Variants in DZIP1L observed in about 807,000 individuals in gnomAD.
The protein encoded by DZIP1L is cilium assembly protein DZIP1L.
Under a neutral mutation model 88.7 loss-of-function variants are expected in DZIP1L, and 90 were observed. The ratio of observed to expected loss-of-function variants is 1.02; its 90% CI spans 0.86 to 1.21. The LOEUF (loss-of-function observed/expected upper bound fraction) is 1.21, where lower values mean the gene tolerates loss of function less well. Among genes scored for constraint, DZIP1L ranks in the 50% most tolerant of loss-of-function variants. DZIP1L has a pLI of 0.00. For missense variants in DZIP1L, 932 were observed against 955.8 expected (o/e 0.98, Z 0.33); for synonymous variants, 363 against 372.1 (o/e 0.98, Z 0.28).
At chr3:138,090,725 T>C (rs1429748884) in intron 5 of DZIP1L, among the ~76,000 whole-genome samples, 1 of 152,092 alleles carries the variant, frequency 6.6e-6, no homozygotes, top group African/African-American at 2.4e-5. Context: ...AGGTAAAACG[T>C]GGAATGACTG....
chr3:138,099,769 G>A (rs1944641369), intron 2 of DZIP1L, among the ~76,000 whole-genome samples: 1 of 152,154 alleles, frequency 6.6e-6, no homozygotes, highest in African/African-American at 2.4e-5. Flanking sequence ...AATGAGCTCT[G>A]GACAGGCCAG....
intron 8 of DZIP1L, among the ~76,000 whole-genome samples, chr3:138,082,677 C>T (rs149085895): frequency 2.6e-5 from 4 of 152,362 alleles, no homozygotes; most frequent in Non-Finnish European, 5.9e-5. Flanking sequence ...TGCAGTGGCA[C>T]ATGCTGACAT....
chr3:138,096,974 A>G (rs1209501243), intron 3 of DZIP1L, among the ~76,000 whole-genome samples: 5 of 152,074 alleles, frequency 3.3e-5, no homozygotes, highest in Non-Finnish European at 5.9e-5. Context: ...GAGCCCAGGA[A>G]TTTGAGACCA....
Position 138,068,281 on chromosome 3 carries a change from C to G in DZIP1L, c.1702G>C (p.Glu568Gln). ...LQVALPSTPA[E>Q]PPPPTRQSHG... is the part of the protein sequence containing the mutation. ...CTCTGACGAGTTGGTGGGGGTGGCT[C>G]TGCCGGTGTGGATGGCAAGGCCACC... is the stretch of plus-strand genomic sequence containing the variant. Residue 568 changes from glutamate (E) to glutamine (Q), a missense_variant, in exon 13 of 16, where the codon GAG becomes CAG. Physicochemically the swap from Glu to Gln is conservative, Grantham distance 29. Transcript: ENST00000327532. 6.3e-7 allele frequency: 1 copy of G among 1,598,158 alleles called. No homozygotes were observed. Among genetic ancestry groups the G allele is most frequent in the Non-Finnish European group, 8.5e-7 (1 of 1,171,720 alleles).
At chr3:138,113,752 C>A (rs113594586) in intron 1 of DZIP1L, among the ~76,000 whole-genome samples, 1 of 152,128 alleles carries the variant, frequency 6.6e-6, no homozygotes, top group Non-Finnish European at 1.5e-5. Flanking sequence ...GGGGCTGCAG[C>A]GACTCCTAGA....
chr3:138,082,618 T>C (rs1292732809), intron 8 of DZIP1L, among the ~76,000 whole-genome samples: 1 of 152,230 alleles, frequency 6.6e-6, no homozygotes, highest in Non-Finnish European at 1.5e-5. Context: ...CCATCTACCC[T>C]TATGACAAAC....
intron 5 of DZIP1L, among the ~76,000 whole-genome samples, chr3:138,090,945 G>A (rs1483026022): frequency 2.0e-5 from 3 of 150,560 alleles, no homozygotes; most frequent in African/African-American, 2.4e-5. Context: ...GTGCAGTGGC[G>A]TGATCTCAGT....
At chr3:138,088,578 A>C (rs1042310642) in intron 5 of DZIP1L, 71 bp from the exon 6 acceptor site, 1 of 1,542,700 alleles carries the variant, frequency 6.5e-7, no homozygotes, top group Non-Finnish European at 8.7e-7. Flanking sequence ...TACCCAGAAC[A>C]GTGTCAGAGG....
Position 138,062,833 on chromosome 3 carries a change from T to C in DZIP1L, c.2287A>G (p.Arg763Gly). 1 of 1,614,052 alleles carries C rather than the reference T, an allele frequency of 6.2e-7. No homozygotes were observed. The change falls in exon 16 of 16, where the codon AGG becomes GGG. Residue 763 changes from arginine to glycine, a missense_variant. Arg to Gly is a moderately radical substitution (Grantham distance 125). Transcript: ENST00000327532. Reference protein sequence around the residue: ...GTGPQSSGQPRVPAW With the variant: ...GTGPQSSGQPGVPAW The stretch of plus-strand genomic sequence containing the variant: ...GGGGTGAATCACCAGGCAGGGACCC[T>C]GGGTTGGCCAGAGCTCTGTGGACCA...
chr3:138,082,685 C>T (rs1647240720), intron 8 of DZIP1L, among the ~76,000 whole-genome samples: 1 of 152,238 alleles, frequency 6.6e-6, no homozygotes, highest in African/African-American at 2.4e-5. Context: ...CACATGCTGA[C>T]ATATGACTCA....
At chr3:138,069,247 C>T (rs1333180945) in intron 12 of DZIP1L, 13 of 521,352 alleles carry the variant, frequency 2.5e-5, no homozygotes, top group Non-Finnish European at 4.2e-5. Context: ...ATTTGCTCTT[C>T]CTTGTGATTT....
chr3:138,098,439 A>G (rs1576488964), intron 2 of DZIP1L, among the ~76,000 whole-genome samples: 1 of 152,260 alleles, frequency 6.6e-6, no homozygotes, highest in East Asian at 1.9e-4. Context: ...GCAAATAAAC[A>G]GCATCTGTAA....
At chr3:138,101,223 CTA>C (rs911895351) in intron 2 of DZIP1L, among the ~76,000 whole-genome samples, 1 of 103,470 alleles carries the variant, frequency 9.7e-6, no homozygotes, top group Non-Finnish European at 2.3e-5. Flanking sequence ...CACACAAACA[CTA>C]TTTTTTTTTT....
chr3:138,083,339 C>T (rs1943759159), intron 8 of DZIP1L, among the ~76,000 whole-genome samples: 1 of 152,274 alleles, frequency 6.6e-6, no homozygotes, highest in African/African-American at 2.4e-5. Flanking sequence ...GGTGCAGGAA[C>T]AAGAGGCCAG....
intron 1 of DZIP1L, among the ~76,000 whole-genome samples, chr3:138,113,084 T>C (rs928760490): frequency 6.6e-6 from 1 of 152,180 alleles, no homozygotes; most frequent in African/African-American, 2.4e-5. Context: ...CCCAAAAGAA[T>C]ATTTGTGCTA....
chr3:138,072,979 G>C (rs1275670426), intron 11 of DZIP1L, among the ~76,000 whole-genome samples: 1 of 152,086 alleles, frequency 6.6e-6, no homozygotes, highest in African/African-American at 2.4e-5. Context: ...ATTGGACTGG[G>C]AACACACCCT....
Position 138,080,618 on chromosome 3 carries a change from T to C in DZIP1L, c.1237A>G (p.Ile413Val). 6.2e-7 allele frequency: 1 copy of C among 1,613,306 alleles called. No individual in the cohort carries two copies. The highest frequency in any genetic ancestry group is 8.5e-7 in the Non-Finnish European group (1 of 1,179,656). ...TCCACAGCCTTTGGCACCTTGTGGATCCCTGAAGAGAGGAGGAACAGTTAG... is the reference window on the plus strand; with the variant it reads ...TCCACAGCCTTTGGCACCTTGTGGACCCCTGAAGAGAGGAGGAACAGTTAG... ...QSLSLRKVEG[I>V]HKVPKAVDTE... Residue 413 changes from isoleucine (I) to valine (V), a missense_variant and splice_region_variant, in exon 10 of 16, where the codon ATC (isoleucine) becomes GTC (valine). Ile to Val is a conservative substitution (Grantham distance 29). Coordinates refer to ENST00000327532, the MANE Select transcript of DZIP1L (RefSeq NM_173543.3).
chr3:138,096,779 T>C lies in DZIP1L; in HGVS notation c.586+984A>G, dbSNP rs749144804. ...TTTTAGGTAAGTGGTACTTTTTTTT[T>C]ATGAAAAGAGAATTTGAATGATGGA... On this transcript the variant is annotated intron_variant, in intron 3 of 15. Coordinates refer to ENST00000327532, the MANE Select transcript of DZIP1L (RefSeq NM_173543.3). Among the ~76,000 whole-genome samples, 19 of 152,220 alleles carry C rather than the reference T, an allele frequency of 1.2e-4. 1 individual carries two copies. The highest frequency in any genetic ancestry group is 5.9e-5 in the Non-Finnish European group (4 of 68,046).
chr3:138,083,654 C>T (rs527871434), intron 8 of DZIP1L, among the ~76,000 whole-genome samples: 85 of 152,248 alleles, frequency 5.6e-4, no homozygotes, highest in Non-Finnish European at 1.1e-3. Context: ...GTGTAAAAAA[C>T]ACACGCTTTG....
Sources: gnomAD v4.1 joint callset for allele counts (sites outside exome capture counted in the v4.1 genomes callset) on GRCh38, gnomAD v4.1.1 for gene constraint, MANE v1.5 for transcripts, NCBI Gene and HGNC (gene_info 2026-07-23, HGNC 2026-07-21) for gene names.